The following PARD3B variants were observed in gnomAD, a reference collection of about 807,000 sequenced individuals.
PARD3B encodes the protein par-3 family cell polarity regulator beta.
Under a neutral mutation model 130.2 loss-of-function variants are expected in PARD3B, and 103 were observed. The observed-to-expected ratio is 0.79, with a 90% CI of 0.67 to 0.93. PARD3B has a LOEUF of 0.93. PARD3B is among the 40% of genes least tolerant of loss of function. The pLI, the probability that PARD3B is intolerant of heterozygous loss-of-function variation, is 0.00. For synonymous variants in PARD3B, 583 were observed against 553.2 expected, an observed-to-expected ratio of 1.05 and a Z score of -0.76; for missense variants, 1,609 against 1,499.2, an observed-to-expected ratio of 1.07 and a Z score of -1.21.
At chr2:204,547,065 G>A (rs1475964347) in intron 1 of PARD3B, among the ~76,000 whole-genome samples, 1 of 152,140 alleles carries the variant, frequency 6.6e-6, no homozygotes, top group Non-Finnish European at 1.5e-5. Context: ...TGTTTTAGCG[G>A]CCAATGGTTC....
chr2:205,593,692 G>A (rs941754921), intron 22 of PARD3B, among the ~76,000 whole-genome samples: 2 of 152,140 alleles, frequency 1.3e-5, no homozygotes, highest in Non-Finnish European at 2.9e-5. Flanking sequence ...GAAGTGGGAC[G>A]CAATTACCCT....
At chr2:204,915,682 C>G (rs933494973) in intron 2 of PARD3B, among the ~76,000 whole-genome samples, 10 of 152,124 alleles carry the variant, frequency 6.6e-5, no homozygotes, top group Non-Finnish European at 1.0e-4. Flanking sequence ...AGTCACATAT[C>G]TGAAACGATG....
intron 1 of PARD3B, among the ~76,000 whole-genome samples, chr2:204,575,928 G>T (rs933426398): frequency 6.6e-5 from 10 of 152,170 alleles, no homozygotes; most frequent in Non-Finnish European, 1.3e-4. Context: ...TCTTGCCCTT[G>T]CTATGGGGAG....
At chr2:204,761,660 C>T (rs2040902660) in intron 2 of PARD3B, among the ~76,000 whole-genome samples, 1 of 151,228 alleles carries the variant, frequency 6.6e-6, no homozygotes, top group East Asian at 1.9e-4. Context: ...ATGATATCTT[C>T]AATTATCACA....
intron 15 of PARD3B, among the ~76,000 whole-genome samples, chr2:205,236,477 A>G (rs2039067531): frequency 6.6e-6 from 1 of 152,168 alleles, no homozygotes; most frequent in Non-Finnish European, 1.5e-5. Context: ...CAGGGAGAAG[A>G]CAGCCATCTA....
At chr2:205,370,479 A>T (rs568542430) in intron 18 of PARD3B, among the ~76,000 whole-genome samples, 2 of 152,274 alleles carry the variant, frequency 1.3e-5, no homozygotes, top group African/African-American at 4.8e-5. Context: ...CCAGTTCAGG[A>T]TAATATGCAA....
In PARD3B at chr2:205,263,214, C is replaced by G. The variant is rs187426840; in HGVS notation, c.2185+17392C>G. Among the ~76,000 whole-genome samples, 36 of 152,162 alleles carry G rather than the reference C, an allele frequency of 2.4e-4. No individual in the cohort carries two copies. The highest frequency in any genetic ancestry group is 2.4e-3 in the Admixed American group (36 of 15,270). The stretch of plus-strand genomic sequence containing the variant: ...TTGTTCTATTAGTTAATGGTTCTTT[C>G]TCTTCTGTCTTCAGATTTTCCCTCT... On this transcript the variant is annotated intron_variant, in intron 16 of 22. Transcript: ENST00000406610. The surrounding 1 kb of genome is among the most constrained non-coding windows in gnomAD (Gnocchi z 4.0).
At chr2:204,546,644 C>T (rs2125037137) in intron 1 of PARD3B, among the ~76,000 whole-genome samples, 1 of 152,314 alleles carries the variant, frequency 6.6e-6, no homozygotes, top group South Asian at 2.1e-4. Context: ...TGCCCTGTCT[C>T]AGTGACTTGG....
chr2:204,839,660 A>C (rs2044189805), intron 2 of PARD3B, among the ~76,000 whole-genome samples: 1 of 152,026 alleles, frequency 6.6e-6, no homozygotes, highest in Non-Finnish European at 1.5e-5. Context: ...CTTGTGCCTC[A>C]TTTTGTGTGT....
intron 2 of PARD3B, among the ~76,000 whole-genome samples, chr2:204,898,767 A>G (rs895237300): frequency 3.3e-5 from 5 of 152,088 alleles, no homozygotes; most frequent in South Asian, 4.1e-4. Context: ...CTCTCTTTGT[A>G]TCTAATAATA....
chr2:205,314,992 C>T (rs1222551228), intron 18 of PARD3B, among the ~76,000 whole-genome samples: 1 of 152,132 alleles, frequency 6.6e-6, no homozygotes, highest in Non-Finnish European at 1.5e-5. Flanking sequence ...TTTCCACTTC[C>T]ACTGCCACCA....
chr2:205,511,082 TC>T (rs1169200590), intron 21 of PARD3B, among the ~76,000 whole-genome samples: 14 of 152,218 alleles, frequency 9.2e-5, no homozygotes, highest in African/African-American at 3.4e-4. Flanking sequence ...GTGTGAATAT[TC>T]ATCTATAAGC....
At chr2:205,206,224 T>TG (rs1002418929) in intron 15 of PARD3B, among the ~76,000 whole-genome samples, 1 of 151,446 alleles carries the variant, frequency 6.6e-6, no homozygotes, top group South Asian at 2.1e-4. Flanking sequence ...TTCTTTTTTT[T>TG]TTTTATTATA....
rs767918430 is a variant in PARD3B at position 205,615,850 on chromosome 2, AG to A, written c.*39del. 6.5e-7 allele frequency: 1 copy of A among 1,537,796 alleles called. No individual in the cohort carries two copies. The highest frequency in any genetic ancestry group is 8.9e-7 in the Non-Finnish European group (1 of 1,127,100). On this transcript the variant is annotated 3_prime_UTR_variant, in exon 23 of 23. Coordinates refer to ENST00000406610, the MANE Select transcript of PARD3B (RefSeq NM_001302769.2). The stretch of plus-strand genomic sequence containing the variant: ...CGAGGCCAGCCCGGTCCAGAAAGGA[AG>A]GTGTCTACTCTACCTTTGCCCTTTC...
chr2:205,420,289 A>G (rs1004908703), intron 19 of PARD3B, among the ~76,000 whole-genome samples: 1 of 152,180 alleles, frequency 6.6e-6, no homozygotes, highest in African/African-American at 2.4e-5. Flanking sequence ...TGTTATTCCT[A>G]ACAATTGCTA....
intron 2 of PARD3B, among the ~76,000 whole-genome samples, chr2:204,866,580 A>C (rs982599346): frequency 1.2e-4 from 19 of 152,132 alleles, no homozygotes; most frequent in Admixed American, 9.8e-4. Flanking sequence ...ACAACAACAA[A>C]AAAATACAGT....
intron 4 of PARD3B, among the ~76,000 whole-genome samples, chr2:205,073,802 G>A (rs1402058614): frequency 1.3e-5 from 2 of 152,146 alleles, no homozygotes; most frequent in Non-Finnish European, 2.9e-5. Flanking sequence ...TTGGAAAGAT[G>A]TGTTGAATAT....
intron 20 of PARD3B, among the ~76,000 whole-genome samples, chr2:205,445,517 G>A (rs1324052025): frequency 6.6e-6 from 1 of 152,080 alleles, no homozygotes; most frequent in African/African-American, 2.4e-5. Flanking sequence ...ACAGAGAGGA[G>A]GGAGGTGCTA....
At chr2:205,313,028 T>C (rs1192384426) in intron 18 of PARD3B, among the ~76,000 whole-genome samples, 1 of 152,084 alleles carries the variant, frequency 6.6e-6, no homozygotes, top group Non-Finnish European at 1.5e-5. Context: ...AGAGAAGAAC[T>C]AGAACCATAA....
Sources: gnomAD v4.1 joint callset for allele counts (sites outside exome capture counted in the v4.1 genomes callset) on GRCh38, gnomAD v4.1.1 for gene constraint, Gnocchi (gnomAD v3.1) non-coding constraint, MANE v1.5 for transcripts, NCBI Gene and HGNC (gene_info 2026-07-23, HGNC 2026-07-21) for gene names.